Variants in CPAMD8 observed in about 807,000 individuals in gnomAD.
The protein encoded by CPAMD8 is C3 and PZP like alpha-2-macroglobulin domain containing 8.
CPAMD8 carries 146 observed loss-of-function variants against 224.7 expected under a neutral mutation model. That is an observed-to-expected ratio of 0.65 (90% CI 0.57 to 0.75). The LOEUF is 0.75. Among genes scored for constraint, CPAMD8 ranks in the 30% least tolerant of loss-of-function variants. CPAMD8 has a pLI of 0.00. For synonymous variants in CPAMD8, 966 were observed against 1,044.6 expected (o/e 0.92, Z 1.45); for missense variants, 2,301 against 2,537.5 (o/e 0.91, Z 2.00).
intron 20 of CPAMD8, among the ~76,000 whole-genome samples, chr19:16,951,174 C>T (rs185437743): frequency 6.6e-5 from 10 of 152,268 alleles, no homozygotes; most frequent in Non-Finnish European, 1.0e-4. Context: ...GATTGAATAA[C>T]GTGCCCAAGA....
At chr19:16,954,093 C>T (rs1206086562) in intron 19 of CPAMD8, among the ~76,000 whole-genome samples, 1 of 152,134 alleles carries the variant, frequency 6.6e-6, no homozygotes, top group Non-Finnish European at 1.5e-5. Flanking sequence ...CATGGGTATA[C>T]AAATATCCCT....
intron 17 of CPAMD8, among the ~76,000 whole-genome samples, chr19:16,971,467 CA>C (rs1355559581): frequency 6.6e-6 from 1 of 152,110 alleles, no homozygotes; most frequent in Non-Finnish European, 1.5e-5. Flanking sequence ...ACTGTGCAAC[CA>C]AATCAGATGG....
intron 23 of CPAMD8, among the ~76,000 whole-genome samples, chr19:16,932,399 C>T (rs891974408): frequency 1.3e-5 from 2 of 151,970 alleles, no homozygotes; most frequent in Admixed American, 6.6e-5. Flanking sequence ...CCAGCCTGGG[C>T]AACAGAGTGA....
chr19:16,906,829 C>G, intron 30 of CPAMD8, 123 bp downstream of exon 30: 1 of 983,714 alleles, frequency 1.0e-6, no homozygotes, highest in Non-Finnish European at 1.5e-6. Context: ...CCTGCCTCAG[C>G]CTCCTGAGTA....
chr19:16,903,985 C>G (rs2052367481), intron 32 of CPAMD8, 128 bp from the exon 33 acceptor site: 31 of 1,013,354 alleles, frequency 3.1e-5, no homozygotes, highest in Non-Finnish European at 4.3e-5. Context: ...GGACCCAGTG[C>G]AGACACCCAT....
At position 17,022,977 on chromosome 19, in the gene CPAMD8, A is replaced by G. The variant is rs192241676; in HGVS notation, c.93-796T>C. On this transcript the variant is annotated intron_variant, in intron 1 of 41. Coordinates refer to ENST00000443236, the MANE Select transcript of CPAMD8 (RefSeq NM_015692.5). The stretch of plus-strand genomic sequence containing the variant: ...CAGAAAGGAAACCCCAGAGAAGTCA[A>G]GTCACCAGCCGCAACAGTGACAGAC... Among the ~76,000 whole-genome samples the G allele has an allele frequency of 6.6e-5, 10 of 152,262 alleles. No homozygotes were observed. In the East Asian group the frequency reaches 1.7e-3, roughly 26 times the overall value.
Position 16,945,606 on chromosome 19 carries a change from G to T in CPAMD8, c.2736C>A (p.His912Gln). ...CCCCGATGGGGACCCTCCTGTCGGCGTGATTCTCCTCAGGGTGTTTGCTGG... is the reference window on the plus strand; with the variant it reads ...CCCCGATGGGGACCCTCCTGTCGGCTTGATTCTCCTCAGGGTGTTTGCTGG... ...GRSSKHPEEN[H>Q]ADRRVPIGVD... The change falls in exon 22 of 42, where the codon CAC (histidine) becomes CAA (glutamine). Residue 912 changes from histidine to glutamine, a missense_variant. Physicochemically the swap from His to Gln is conservative, Grantham distance 24. Around this residue, in one of 4 missense-constraint regions of CPAMD8, gnomAD observed 1,709 missense variants for 1,753.2 expected, o/e 0.97. Coordinates refer to ENST00000443236, the MANE Select transcript of CPAMD8 (RefSeq NM_015692.5). 6.2e-7 allele frequency: 1 copy of T among 1,614,162 alleles called. No individual in the cohort carries two copies. Among genetic ancestry groups the T allele is most frequent in the Non-Finnish European group, 8.5e-7 (1 of 1,180,002 alleles).
At chr19:16,919,011 T>C (rs1320071275) in intron 27 of CPAMD8, among the ~76,000 whole-genome samples, 1 of 151,986 alleles carries the variant, frequency 6.6e-6, no homozygotes, top group Non-Finnish European at 1.5e-5. Context: ...GAGACCAGCC[T>C]GGGCAACATG....
intron 10 of CPAMD8, among the ~76,000 whole-genome samples, chr19:16,999,596 A>AAAG (rs1555787682): frequency 2.7e-5 from 4 of 150,076 alleles, no homozygotes; most frequent in Non-Finnish European, 4.4e-5. Flanking sequence ...AAAAAAAAAA[A>AAAG]AAAAGAAAAG....
chr19:17,021,652 C>G (rs546441566), intron 2 of CPAMD8, among the ~76,000 whole-genome samples: 1 of 152,314 alleles, frequency 6.6e-6, no homozygotes, highest in East Asian at 1.9e-4. Context: ...GAGCCCAGGT[C>G]TGAGTCTAAT....
At chr19:16,930,150 G>A (rs1174499730) in intron 23 of CPAMD8, among the ~76,000 whole-genome samples, 2 of 152,002 alleles carry the variant, frequency 1.3e-5, no homozygotes, top group African/African-American at 4.8e-5. Context: ...GGCTACTCAG[G>A]AGGCTGAGGT....
intron 11 of CPAMD8, among the ~76,000 whole-genome samples, chr19:16,994,455 C>A (rs967311265): frequency 6.6e-6 from 1 of 151,024 alleles, no homozygotes; most frequent in African/African-American, 2.4e-5. Flanking sequence ...CTCAGCTGTG[C>A]AGGTATCTGG....
chr19:17,021,296 G>A (rs908465100), intron 2 of CPAMD8, among the ~76,000 whole-genome samples: 16 of 152,122 alleles, frequency 1.1e-4, no homozygotes, highest in African/African-American at 3.9e-4. Context: ...GGTTTCAGTT[G>A]GCTAGCCACC....
chr19:16,998,406 T>C (rs993166477), intron 10 of CPAMD8, among the ~76,000 whole-genome samples: 4 of 151,814 alleles, frequency 2.6e-5, no homozygotes, highest in Admixed American at 6.6e-5. Context: ...GCTGCAGTGA[T>C]CCAAGATCGT....
At chr19:16,949,054 G>C (rs554414847) in intron 20 of CPAMD8, among the ~76,000 whole-genome samples, 2 of 138,734 alleles carry the variant, frequency 1.4e-5, no homozygotes, top group South Asian at 2.6e-4. Flanking sequence ...GGACGGGAGG[G>C]GGGGAGGGAG....
intron 6 of CPAMD8, 148 bp from the exon 7 acceptor site, chr19:17,008,707 A>C: frequency 1.1e-6 from 1 of 888,206 alleles, no homozygotes; most frequent in South Asian, 1.4e-5. Context: ...CCGGGGCAAA[A>C]AAAAAGCTCT....
rs1270382840 is a variant in CPAMD8, at chr19:16,901,274, T to C, written c.4709A>G (p.Asn1570Ser). The C allele has an allele frequency of 3.7e-6, 6 of 1,612,608 alleles. No individual in the cohort carries two copies. Among genetic ancestry groups the C allele is most frequent in the Admixed American group, 1.7e-5 (1 of 59,906 alleles). ...CTRWLHAGSS[N>S]MAVLEVPLLS... ...CAGGGGCACCTCCAGGACAGCCATA[T>C]TGGAAGACCCTGCATGCAGCCACCT... The change falls in exon 36 of 42, where the codon AAT becomes AGT. Residue 1570 changes from asparagine to serine, a missense_variant. Around this residue, in one of 4 missense-constraint regions of CPAMD8, gnomAD observed 1,709 missense variants for 1,753.2 expected, o/e 0.97. Transcript: ENST00000443236.
intron 13 of CPAMD8, among the ~76,000 whole-genome samples, chr19:16,981,932 A>G (rs1363097390): frequency 6.6e-6 from 1 of 152,216 alleles, no homozygotes; most frequent in African/African-American, 2.4e-5. Context: ...CATGCTCAAC[A>G]TCACACAATG....
intron 23 of CPAMD8, among the ~76,000 whole-genome samples, chr19:16,936,607 G>C (rs758756651): frequency 4.4e-4 from 66 of 151,202 alleles, no homozygotes; most frequent in Non-Finnish European, 1.3e-4. Context: ...GAGTTTCACC[G>C]TGCTGGTCAG....
Sources: gnomAD v4.1 joint callset for allele counts (sites outside exome capture counted in the v4.1 genomes callset) on GRCh38, gnomAD v4.1.1 for gene constraint, gnomAD v4.1.1 regional missense constraint, MANE v1.5 for transcripts, NCBI Gene and HGNC (gene_info 2026-07-23, HGNC 2026-07-21) for gene names.